TTLL11: variants seen among roughly 807,000 people sequenced by gnomAD.
The protein encoded by TTLL11 is tubulin tyrosine ligase like 11, also known as tubulin polyglutamylase TTLL11.
Under a neutral mutation model 51.7 loss-of-function variants are expected in TTLL11, and 42 were observed. That is an observed-to-expected ratio of 0.81 (90% CI 0.64 to 1.05). The LOEUF (loss-of-function observed/expected upper bound fraction) is 1.05, where lower values mean the gene tolerates loss of function less well. Among genes scored for constraint, TTLL11 ranks in the 50% least tolerant of loss-of-function variants. The pLI is 0.00. For missense variants in TTLL11, 799 were observed against 940.4 expected, an observed-to-expected ratio of 0.85 and a Z score of 1.97; for synonymous variants, 381 against 383.5, an observed-to-expected ratio of 0.99 and a Z score of 0.08.
chr9:121,971,787 G>C (rs1486310208), intron 6 of TTLL11, among the ~76,000 whole-genome samples: 2 of 145,818 alleles, frequency 1.4e-5, no homozygotes, highest in Non-Finnish European at 3.0e-5. Context: ...ATACACCATG[G>C]AATACTATGC....
intron 6 of TTLL11, among the ~76,000 whole-genome samples, chr9:121,965,478 G>A (rs1364597668): frequency 6.6e-6 from 1 of 152,110 alleles, no homozygotes; most frequent in African/African-American, 2.4e-5. Flanking sequence ...GAACAGCATG[G>A]GGGAAACTGC....
chr9:121,943,343 G>A (rs772502809), intron 6 of TTLL11, among the ~76,000 whole-genome samples: 45 of 152,090 alleles, frequency 3.0e-4, no homozygotes, highest in Non-Finnish European at 4.0e-4. Context: ...CGTACGGACC[G>A]TAACAGACAC....
chr9:121,908,565 A>G (rs1840017212), intron 6 of TTLL11, among the ~76,000 whole-genome samples: 1 of 152,240 alleles, frequency 6.6e-6, no homozygotes, highest in Non-Finnish European at 1.5e-5. Flanking sequence ...AATTCATAAA[A>G]TATTCAAGTA....
intron 6 of TTLL11, among the ~76,000 whole-genome samples, chr9:121,895,647 G>A: frequency 8.2e-6 from 1 of 122,004 alleles, no homozygotes; most frequent in Non-Finnish European, 1.8e-5. Flanking sequence ...TTATGAGTGT[G>A]TGTGTATGTG....
chr9:121,921,383 G>A (rs1165504600), intron 6 of TTLL11, among the ~76,000 whole-genome samples: 3 of 152,164 alleles, frequency 2.0e-5, no homozygotes, highest in African/African-American at 7.2e-5. Flanking sequence ...GAGGCAGGGG[G>A]GTGAACAGAG....
At chr9:121,923,266 A>C (rs1308533522) in intron 6 of TTLL11, among the ~76,000 whole-genome samples, 1 of 152,202 alleles carries the variant, frequency 6.6e-6, no homozygotes, top group Non-Finnish European at 1.5e-5. Flanking sequence ...GATTATGAGG[A>C]TTGCATAGCA....
At chr9:121,835,309 C>A (rs535426276) in intron 8 of TTLL11, among the ~76,000 whole-genome samples, 1 of 152,282 alleles carries the variant, frequency 6.6e-6, no homozygotes, top group East Asian at 1.9e-4. Flanking sequence ...AAGTGCTGAG[C>A]TCAGGGAGAC....
chr9:121,847,404 A>C (rs1282963850), intron 8 of TTLL11, among the ~76,000 whole-genome samples: 2 of 152,138 alleles, frequency 1.3e-5, no homozygotes, highest in Admixed American at 1.3e-4. Flanking sequence ...AGAGAAAGAG[A>C]AAAGGTTATT....
At chr9:122,084,042 CTGT>C in intron 1 of TTLL11, among the ~76,000 whole-genome samples, 1 of 152,292 alleles carries the variant, frequency 6.6e-6, no homozygotes, top group South Asian at 2.1e-4. Context: ...AAATGGTCCA[CTGT>C]TGTTTTTTAA....
chr9:121,940,764 G>A (rs1841426103), intron 6 of TTLL11, among the ~76,000 whole-genome samples: 2 of 152,200 alleles, frequency 1.3e-5, no homozygotes, highest in Non-Finnish European at 2.9e-5. Flanking sequence ...GCATGGTAGA[G>A]AGCAGGCTCC....
chr9:122,050,938 G>A (rs1235203225), intron 1 of TTLL11, among the ~76,000 whole-genome samples: 1 of 152,106 alleles, frequency 6.6e-6, no homozygotes, highest in Non-Finnish European at 1.5e-5. Context: ...ACCCAGCTAA[G>A]TCACACTCAG....
At chr9:121,877,889 G>A (rs938656889) in intron 6 of TTLL11, among the ~76,000 whole-genome samples, 2 of 152,118 alleles carry the variant, frequency 1.3e-5, no homozygotes, top group Non-Finnish European at 2.9e-5. Context: ...CTCCATACAC[G>A]GGGAGCTGTC....
chr9:122,070,960 C>G (rs370708473), intron 1 of TTLL11, among the ~76,000 whole-genome samples: 5 of 152,120 alleles, frequency 3.3e-5, no homozygotes. Context: ...GAGCAGGCAC[C>G]GTGTGATCAG....
At chr9:121,844,085 G>A (rs2131359743) in intron 8 of TTLL11, among the ~76,000 whole-genome samples, 1 of 152,266 alleles carries the variant, frequency 6.6e-6, no homozygotes, top group East Asian at 1.9e-4. Flanking sequence ...AAGGGGCTAA[G>A]AAGCACTTCT....
chr9:121,890,074 C>T lies in TTLL11; in HGVS notation c.1482-19326G>A, dbSNP rs953113369. Among the ~76,000 whole-genome samples the T allele has an allele frequency of 6.6e-6, 1 of 152,184 alleles. No individual in the cohort carries two copies. The highest frequency in any genetic ancestry group is 1.5e-5 in the Non-Finnish European group (1 of 68,036). On this transcript the variant is annotated intron_variant, in intron 6 of 8. Transcript: ENST00000321582. The surrounding 1 kb of genome is among the most constrained non-coding windows in gnomAD (Gnocchi z 4.3). Reference sequence around the variant, plus strand: ...GAGTCTGTTTATTCATTCATTCATTCATTCATGGACATTGTAAATAATGCT... The same window carrying T: ...GAGTCTGTTTATTCATTCATTCATTTATTCATGGACATTGTAAATAATGCT...
intron 6 of TTLL11, among the ~76,000 whole-genome samples, chr9:121,926,951 T>A (rs573357391): frequency 6.6e-6 from 1 of 152,292 alleles, no homozygotes; most frequent in African/African-American, 2.4e-5. Flanking sequence ...CGACTTCTCA[T>A]GAGAGCCTCG....
In TTLL11 at chr9:121,816,818, A is replaced by G. The variant is rs1360745127; in HGVS notation, c.*5769T>C. 3.9e-5 allele frequency: 6 copies of G among 152,212 alleles called. No individual in the cohort carries two copies. The allele number at this position is 152,212 out of a possible 1,614,324, so 9.4% of individuals were successfully genotyped here. A position where few individuals can be genotyped will look rare whatever the true frequency, so the allele number is the denominator to read the frequency against. ...ATAAAGGTAAATGAAGACGTGGCCT[A>G]TTCTGCAGAGCTCCTTCATCTCCAG... On this transcript the variant is annotated 3_prime_UTR_variant, in exon 9 of 9. Coordinates refer to ENST00000321582, the MANE Select transcript of TTLL11 (RefSeq NM_001139442.2).
chr9:122,076,396 C>T (rs1422138224), intron 1 of TTLL11, among the ~76,000 whole-genome samples: 1 of 152,148 alleles, frequency 6.6e-6, no homozygotes. Flanking sequence ...CCAAGCCAGG[C>T]CCTCTGAAAT....
chr9:121,829,079 A>T (rs1034197990), intron 8 of TTLL11, among the ~76,000 whole-genome samples: 2 of 151,802 alleles, frequency 1.3e-5, no homozygotes, highest in African/African-American at 4.8e-5. Context: ...CAGCCTCCCT[A>T]GTAGCTGGGA....
Sources: gnomAD v4.1 joint callset for allele counts (sites outside exome capture counted in the v4.1 genomes callset) on GRCh38, gnomAD v4.1.1 for gene constraint, Gnocchi (gnomAD v3.1) non-coding constraint, MANE v1.5 for transcripts, NCBI Gene and HGNC (gene_info 2026-07-23, HGNC 2026-07-21) for gene names.